The following EXT1 variants were observed in gnomAD, a reference collection of about 807,000 sequenced individuals.
The protein encoded by EXT1 is exostosin glycosyltransferase 1.
In EXT1, 20 loss-of-function variants were observed where a neutral mutation model predicts 82.5. The observed-to-expected ratio is 0.24, with a 90% CI of 0.17 to 0.35. The LOEUF is 0.35. Among genes scored for constraint, EXT1 ranks in the 10% least tolerant of loss-of-function variants. The pLI is 1.00. For synonymous variants in EXT1, 348 were observed against 350.8 expected (o/e 0.99, Z 0.09); for missense variants, 757 against 936.5 (o/e 0.81, Z 2.50).
At chr8:117,884,161 A>G (rs1206394484) in intron 1 of EXT1, among the ~76,000 whole-genome samples, 1 of 152,210 alleles carries the variant, frequency 6.6e-6, no homozygotes, top group Non-Finnish European at 1.5e-5. Context: ...TATCTGTTTA[A>G]GCATGAAAAG....
chr8:118,020,899 A>G (rs1450564921), intron 1 of EXT1, among the ~76,000 whole-genome samples: 1 of 152,236 alleles, frequency 6.6e-6, no homozygotes. Flanking sequence ...CATAAAAAGT[A>G]CTTCGCAAAT....
intron 1 of EXT1, among the ~76,000 whole-genome samples, chr8:117,951,225 G>C (rs1270620370): frequency 6.6e-6 from 1 of 152,112 alleles, no homozygotes; most frequent in Non-Finnish European, 1.5e-5. Context: ...GAGTCAATAG[G>C]AATGGAAGTC....
intron 1 of EXT1, among the ~76,000 whole-genome samples, chr8:117,856,272 G>T (rs1171889565): frequency 6.7e-6 from 1 of 150,132 alleles, no homozygotes; most frequent in African/African-American, 2.5e-5. Context: ...TTTTTTGTGG[G>T]GGGACGGAGT....
intron 7 of EXT1, among the ~76,000 whole-genome samples, chr8:117,816,254 T>A (rs771407422): frequency 2.6e-5 from 4 of 152,134 alleles, no homozygotes; most frequent in Non-Finnish European, 5.9e-5. Context: ...CACACAAAAG[T>A]AATTTTGACT....
At chr8:117,987,205 T>C (rs1365730690) in intron 1 of EXT1, among the ~76,000 whole-genome samples, 1 of 152,246 alleles carries the variant, frequency 6.6e-6, no homozygotes, top group South Asian at 2.1e-4. Flanking sequence ...AACGGAATGA[T>C]TGATTTTTAT....
At chr8:117,824,853 C>CT (rs775491045) in intron 4 of EXT1, among the ~76,000 whole-genome samples, 1 of 151,410 alleles carries the variant, frequency 6.6e-6, no homozygotes, top group Non-Finnish European at 1.5e-5. Context: ...TCTTCTTTTT[C>CT]TTTTTTTGTT....
At chr8:117,913,697 T>C (rs1813694806) in intron 1 of EXT1, among the ~76,000 whole-genome samples, 1 of 152,168 alleles carries the variant, frequency 6.6e-6, no homozygotes, top group Non-Finnish European at 1.5e-5. Context: ...AAGTAGGAAG[T>C]GGTAAGGATA....
At chr8:117,880,638 T>C (rs1338032631) in intron 1 of EXT1, among the ~76,000 whole-genome samples, 4 of 151,768 alleles carry the variant, frequency 2.6e-5, no homozygotes, top group Non-Finnish European at 5.9e-5. Context: ...TCACCCAGAT[T>C]GGAGTGCAGT....
In EXT1 at chr8:118,110,903, G is replaced by A. The variant is rs766293155; in HGVS notation, c.144C>T (p.His48=). The A allele has an allele frequency of 1.9e-6, 3 of 1,614,092 alleles. No individual in the cohort carries two copies. Among genetic ancestry groups the A allele is most frequent in the Non-Finnish European group, 2.5e-6 (3 of 1,180,034 alleles). Residue 48 remains histidine (H), a synonymous_variant, in exon 1 of 11, where the codon CAC becomes CAT. Coordinates refer to ENST00000378204, the MANE Select transcript of EXT1 (RefSeq NM_000127.3). Reference sequence around the variant, plus strand: ...GGGGCCAGAAATGATCCGGACTGGGGTGGTGCAAGCCATTCCTACCGCTGT... The same window carrying A: ...GGGGCCAGAAATGATCCGGACTGGGATGGTGCAAGCCATTCCTACCGCTGT... ...EEHSGRNGLH[H]PSPDHFWPRF... is the part of the protein sequence containing the mutation.
intron 1 of EXT1, among the ~76,000 whole-genome samples, chr8:117,957,592 A>G (rs1443773552): frequency 6.6e-6 from 1 of 152,232 alleles, no homozygotes. Context: ...CTCACATAGA[A>G]GATCAGAGGG....
At chr8:118,011,255 C>T (rs930997913) in intron 1 of EXT1, among the ~76,000 whole-genome samples, 1 of 152,164 alleles carries the variant, frequency 6.6e-6, no homozygotes, top group African/African-American at 2.4e-5. Flanking sequence ...ACCGACTTCC[C>T]GGTCCAGAAT....
intron 1 of EXT1, among the ~76,000 whole-genome samples, chr8:118,050,360 C>T (rs1194611608): frequency 6.6e-6 from 1 of 152,198 alleles, no homozygotes; most frequent in East Asian, 1.9e-4. Flanking sequence ...TCACCCAAAC[C>T]TTCTAAGGTG....
rs17475471 is a variant in EXT1, at chr8:117,913,137, G to A, written c.963-75936C>T. 2.6e-3 allele frequency among the ~76,000 whole-genome samples: 391 copies of A among 152,240 alleles called. 2 individuals are homozygous for A. Among genetic ancestry groups the A allele is most frequent in the African/African-American group, 9.0e-3 (372 of 41,538 alleles). ...CTTGGAAGGCTGAGGCAGGAGAATCGCTTGAACCCGGGAGGTGGAGGTTGC... is the reference window on the plus strand; with the variant it reads ...CTTGGAAGGCTGAGGCAGGAGAATCACTTGAACCCGGGAGGTGGAGGTTGC... On this transcript the variant is annotated intron_variant, in intron 1 of 10. Coordinates refer to ENST00000378204, the MANE Select transcript of EXT1 (RefSeq NM_000127.3).
At chr8:117,836,335 C>T (rs1309858948) in intron 2 of EXT1, among the ~76,000 whole-genome samples, 2 of 152,154 alleles carry the variant, frequency 1.3e-5, no homozygotes, top group Non-Finnish European at 2.9e-5. Flanking sequence ...GAAGGAAGCT[C>T]TTCTGTTGGA....
intron 1 of EXT1, among the ~76,000 whole-genome samples, chr8:117,846,521 T>C (rs1049430710): frequency 6.6e-6 from 1 of 151,876 alleles, no homozygotes; most frequent in African/African-American, 2.4e-5. Context: ...TTTTTGAAAA[T>C]GCTAAATAAA....
At chr8:117,930,006 G>A (rs1326086793) in intron 1 of EXT1, among the ~76,000 whole-genome samples, 5 of 152,074 alleles carry the variant, frequency 3.3e-5, no homozygotes, top group Non-Finnish European at 7.4e-5. Context: ...TACTTGGGAG[G>A]CTGAGGCAGA....
chr8:117,962,762 C>T, intron 1 of EXT1, among the ~76,000 whole-genome samples: 1 of 129,544 alleles, frequency 7.7e-6, no homozygotes, highest in African/African-American at 4.3e-5. Context: ...CCCCACACCC[C>T]CCACCCCCAA....
At chr8:118,037,969 T>C (rs1816457068) in intron 1 of EXT1, among the ~76,000 whole-genome samples, 1 of 151,562 alleles carries the variant, frequency 6.6e-6, no homozygotes, top group African/African-American at 2.4e-5. Context: ...GCCTCCCAAG[T>C]AGCTGAGATT....
At chr8:118,074,534 T>C (rs73327853) in intron 1 of EXT1, among the ~76,000 whole-genome samples, 23,497 of 151,382 alleles carry the variant, frequency 0.16, 3,227 homozygotes, top group African/African-American at 0.37. Flanking sequence ...GGCCACCACC[T>C]TAGTTGCCTC....
Sources: gnomAD v4.1 joint callset for allele counts (sites outside exome capture counted in the v4.1 genomes callset) on GRCh38, gnomAD v4.1.1 for gene constraint, MANE v1.5 for transcripts, NCBI Gene and HGNC (gene_info 2026-07-23, HGNC 2026-07-21) for gene names.